CHSY3: variants seen among roughly 807,000 people sequenced by gnomAD.
CHSY3 encodes chondroitin sulfate synthase 3.
In CHSY3, 35 loss-of-function variants were observed where a neutral mutation model predicts 67.2. That is an observed-to-expected ratio of 0.52 (90% confidence interval 0.40 to 0.69). The LOEUF (loss-of-function observed/expected upper bound fraction) is 0.69, where lower values mean the gene tolerates loss of function less well. Ranked by LOEUF, CHSY3 falls within the 30% of genes least tolerant of loss-of-function variation. The pLI is 0.00. For synonymous variants in CHSY3, 474 were observed against 434.7 expected, an observed-to-expected ratio of 1.09 and a Z score of -1.12; for missense variants, 1,069 against 1,138.5, an observed-to-expected ratio of 0.94 and a Z score of 0.88.
chr5:130,157,098 C>G (rs1428762065), intron 2 of CHSY3, among the ~76,000 whole-genome samples: 1 of 152,168 alleles, frequency 6.6e-6, no homozygotes, highest in African/African-American at 2.4e-5. Flanking sequence ...CAGTCTGGAC[C>G]AGAGAGCCAC....
At chr5:129,916,974 T>TAA (rs199671271) in intron 2 of CHSY3, among the ~76,000 whole-genome samples, 1,723 of 152,296 alleles carry the variant, frequency 0.011, 39 homozygotes, top group African/African-American at 0.038. Context: ...TTATTTGAGT[T>TAA]TTCTTAAGTA....
intron 2 of CHSY3, among the ~76,000 whole-genome samples, chr5:130,064,943 T>A (rs1022682436): frequency 6.6e-6 from 1 of 152,164 alleles, no homozygotes; most frequent in Non-Finnish European, 1.5e-5. Context: ...CAGGAACCCA[T>A]GTATAGTTTC....
intron 2 of CHSY3, among the ~76,000 whole-genome samples, chr5:130,003,008 T>G (rs1462802170): frequency 6.6e-6 from 1 of 152,180 alleles, no homozygotes; most frequent in Non-Finnish European, 1.5e-5. Context: ...TTGGGTTGCT[T>G]TGCACATGAA....
rs577517461 is a variant in CHSY3, at chr5:130,024,394, C to A, written c.1086+116034C>A. Among the ~76,000 whole-genome samples the A allele has an allele frequency of 5.7e-3, 870 of 152,032 alleles. 9 individuals carry two copies. The highest frequency in any genetic ancestry group is 0.02 in the African/African-American group (840 of 41,500). ...TTGCAGCAGTCTGTATTTTACTGAG[C>A]CTTTACTTGATTAATGTAAGGAAAG... On this transcript the variant is annotated intron_variant, in intron 2 of 2. Coordinates refer to ENST00000305031, the MANE Select transcript of CHSY3 (RefSeq NM_175856.5).
intron 2 of CHSY3, among the ~76,000 whole-genome samples, chr5:130,084,963 C>G (rs1437252033): frequency 6.6e-6 from 1 of 151,982 alleles, no homozygotes; most frequent in Non-Finnish European, 1.5e-5. Context: ...ATCACACTTA[C>G]AGAGTCTGTT....
rs923055598 is a variant in CHSY3 at position 130,015,943 on chromosome 5, G to A, written c.1086+107583G>A. Among the ~76,000 whole-genome samples the A allele has an allele frequency of 4.6e-5, 7 of 152,226 alleles. No homozygotes were observed. The East Asian group carries it at 1.2e-3, about 25-fold the overall frequency. Reference sequence around the variant, plus strand: ...TCATGTCCTTGACAGCAGCATGGATGCAGCTGGCGGCCATTATCTTAAGTG... The same window carrying A: ...TCATGTCCTTGACAGCAGCATGGATACAGCTGGCGGCCATTATCTTAAGTG... On this transcript the variant is annotated intron_variant, in intron 2 of 2. Coordinates refer to ENST00000305031, the MANE Select transcript of CHSY3 (RefSeq NM_175856.5).
chr5:129,991,460 C>T (rs1580622475), intron 2 of CHSY3, among the ~76,000 whole-genome samples: 1 of 152,042 alleles, frequency 6.6e-6, no homozygotes, highest in East Asian at 1.9e-4. Context: ...ATTTCATCAA[C>T]ACATTATTTG....
chr5:129,907,587 C>G (rs1367629907), intron 1 of CHSY3, among the ~76,000 whole-genome samples: 1 of 152,164 alleles, frequency 6.6e-6, no homozygotes, highest in Admixed American at 6.5e-5. Context: ...AGGTTTGATT[C>G]AAACATCCTC....
At chr5:130,181,291 T>C (rs542817378) in intron 2 of CHSY3, among the ~76,000 whole-genome samples, 55 of 152,214 alleles carry the variant, frequency 3.6e-4, no homozygotes, top group Non-Finnish European at 7.5e-4. Context: ...ATTTTTAAAA[T>C]AAATTTTACA....
At chr5:130,058,741 GCCT>G (rs967844408) in intron 2 of CHSY3, among the ~76,000 whole-genome samples, 3 of 152,234 alleles carry the variant, frequency 2.0e-5, no homozygotes, top group African/African-American at 7.2e-5. Flanking sequence ...CAAACTGGGT[GCCT>G]TAAAACAGCA....
intron 2 of CHSY3, among the ~76,000 whole-genome samples, chr5:129,979,392 A>G (rs545251787): frequency 6.6e-6 from 1 of 152,248 alleles, no homozygotes; most frequent in East Asian, 1.9e-4. Flanking sequence ...ATGATATCAT[A>G]AAGTATTTAA....
intron 2 of CHSY3, among the ~76,000 whole-genome samples, chr5:130,100,998 G>A (rs1767225722): frequency 6.6e-6 from 1 of 152,160 alleles, no homozygotes; most frequent in Admixed American, 6.5e-5. Context: ...TCGCCCCAGA[G>A]GTATAAATTC....
intron 2 of CHSY3, among the ~76,000 whole-genome samples, chr5:130,048,327 C>T (rs1389448805): frequency 1.3e-5 from 2 of 152,078 alleles, no homozygotes; most frequent in African/African-American, 4.8e-5. Context: ...AAATATATAG[C>T]TACTCCCTGA....
rs1025198285 is a variant in CHSY3 at position 129,963,154 on chromosome 5, A to G, written c.1086+54794A>G. On this transcript the variant is annotated intron_variant, in intron 2 of 2. Coordinates refer to ENST00000305031, the MANE Select transcript of CHSY3 (RefSeq NM_175856.5). ...ATACTGAGCCTAGATCTAGAATGCT[A>G]TTGATTATTGAAGAGAGATGTGTAC... Among the ~76,000 whole-genome samples the G allele has an allele frequency of 2.6e-5, 4 of 151,730 alleles. No individual in the cohort carries two copies. The South Asian group carries it at 6.2e-4, about 24-fold the overall frequency.
At position 130,004,349 on chromosome 5, in the gene CHSY3, C is replaced by T. The variant is rs146233540; in HGVS notation, c.1086+95989C>T. Among the ~76,000 whole-genome samples, 46 of 152,152 alleles carry T rather than the reference C, an allele frequency of 3.0e-4. No homozygotes were observed. In the East Asian group the frequency reaches 8.1e-3, roughly 27 times the overall value. Reference sequence around the variant, plus strand: ...CTTTAAATAAGCTTGTGTTTTTCAACGTTTACAATTTTTATATATTTGAGT... The same window carrying T: ...CTTTAAATAAGCTTGTGTTTTTCAATGTTTACAATTTTTATATATTTGAGT... On this transcript the variant is annotated intron_variant, in intron 2 of 2. Transcript: ENST00000305031.
intron 2 of CHSY3, among the ~76,000 whole-genome samples, chr5:130,011,285 A>G (rs1764051527): frequency 6.6e-6 from 1 of 151,820 alleles, no homozygotes; most frequent in African/African-American, 2.4e-5. Context: ...ATGATCAGGT[A>G]GGTTTTATTT....
chr5:130,102,557 C>T (rs776496678), intron 2 of CHSY3, among the ~76,000 whole-genome samples: 3 of 151,816 alleles, frequency 2.0e-5, no homozygotes, highest in East Asian at 1.9e-4. Context: ...ATTTGCCTTA[C>T]GGTGTAGAGC....
intron 2 of CHSY3, among the ~76,000 whole-genome samples, chr5:129,990,377 A>AGAGTGT (rs1554075036): frequency 1.4e-5 from 2 of 147,476 alleles, no homozygotes; most frequent in African/African-American, 2.5e-5. Flanking sequence ...TGAGTGAGTG[A>AGAGTGT]GTGTGTGTGT....
In CHSY3 at chr5:130,158,739, A is replaced by G. The variant is rs182764630; in HGVS notation, c.1087-25490A>G. ...AGCAAGTTTCTGAAAAGCATTACTT[A>G]AGTATGAACAGACAAAAAGAAAGTT... On this transcript the variant is annotated intron_variant, in intron 2 of 2. Transcript: ENST00000305031. 5.3e-5 allele frequency among the ~76,000 whole-genome samples: 8 copies of G among 152,322 alleles called. No individual in the cohort carries two copies. In the East Asian group the frequency reaches 5.8e-4, roughly 11 times the overall value.
Sources: allele counts gnomAD v4.1 joint callset (sites outside exome capture counted in the v4.1 genomes callset), GRCh38; gene constraint gnomAD v4.1.1; transcripts MANE v1.5; gene names NCBI Gene and HGNC (gene_info 2026-07-23, HGNC 2026-07-21).